Variants in SOX5 observed in about 807,000 individuals in gnomAD.
SOX5 encodes the protein SRY-box transcription factor 5.
SOX5 carries 9 observed loss-of-function variants against 92.0 expected under a neutral mutation model. The observed-to-expected ratio is 0.10, with a 90% confidence interval of 0.06 to 0.17. The LOEUF (loss-of-function observed/expected upper bound fraction) is 0.17, where lower values mean the gene tolerates loss of function less well. Ranked by LOEUF, SOX5 falls within the 10% of genes least tolerant of loss-of-function variation. The probability of loss-of-function intolerance (pLI) is 1.00; values close to 1 mark genes in which losing one functional copy is unlikely to be tolerated. For missense variants in SOX5, 642 were observed against 944.5 expected (o/e 0.68, Z 4.20); for synonymous variants, 344 against 336.3 (o/e 1.02, Z -0.25).
intron 5 of SOX5, among the ~76,000 whole-genome samples, chr12:23,737,342 C>T (rs145015994): frequency 0.018 from 2,761 of 152,070 alleles, 88 homozygotes; most frequent in African/African-American, 0.063. Context: ...AGTTCGAGAC[C>T]AGCCTGGCCA....
chr12:23,794,110 TAA>T (rs934383579), intron 3 of SOX5, among the ~76,000 whole-genome samples: 13 of 152,176 alleles, frequency 8.5e-5, no homozygotes, highest in Non-Finnish European at 1.6e-4. Flanking sequence ...AAAAATATTT[TAA>T]AAGTTTTATC....
At chr12:24,428,759 A>ATG in intron 1 of SOX5, among the ~76,000 whole-genome samples, 1 of 118,416 alleles carries the variant, frequency 8.4e-6, no homozygotes, top group South Asian at 2.8e-4. Context: ...AAAAAAAAAA[A>ATG]GCTAATTTCC....
At chr12:24,105,552 C>A (rs537805205) in intron 4 of SOX5, among the ~76,000 whole-genome samples, 1 of 152,050 alleles carries the variant, frequency 6.6e-6, no homozygotes. Flanking sequence ...ATCAATCAAT[C>A]AATCAATCAA....
chr12:24,164,513 T>C (rs1214209616), intron 4 of SOX5, among the ~76,000 whole-genome samples: 1 of 152,048 alleles, frequency 6.6e-6, no homozygotes, highest in African/African-American at 2.4e-5. Context: ...GAAATTCAGT[T>C]AAAGGAAAAA....
Position 23,543,269 on chromosome 12 carries a change from C to G in SOX5, c.1713G>C (p.Arg571=). The stretch of plus-strand genomic sequence containing the variant: ...CAGGAAAGGCTTGAAGGATCTTTCT[C>G]CGTTCATCTTTAGCCCACACCATGA... ...NAFMVWAKDE[R]RKILQAFPDM... Residue 571 remains arginine, a synonymous_variant, in exon 13 of 15, where the codon CGG becomes CGC. Coordinates refer to ENST00000451604, the MANE Select transcript of SOX5 (RefSeq NM_006940.6). The G allele has an allele frequency of 6.2e-7, 1 of 1,613,990 alleles. No individual in the cohort carries two copies. The highest frequency in any genetic ancestry group is 1.3e-5 in the African/African-American group (1 of 75,020).
intron 11 of SOX5, among the ~76,000 whole-genome samples, chr12:23,560,341 T>C (rs1945990618): frequency 6.6e-6 from 1 of 152,236 alleles, no homozygotes; most frequent in Non-Finnish European, 1.5e-5. Flanking sequence ...TGGCAAAATT[T>C]CAAACCAATT....
At position 23,787,720 on chromosome 12, in the gene SOX5, C is replaced by T. The variant is rs1180271444; in HGVS notation, c.482-31996G>A. 4.6e-5 allele frequency among the ~76,000 whole-genome samples: 7 copies of T among 151,780 alleles called. No individual in the cohort carries two copies. The South Asian group carries it at 8.3e-4, about 18-fold the overall frequency. ...GGAAACAAACCACAGTGATTGTTGT[C>T]GTCTAATCAATCAAAGAGACTTCAA... On this transcript the variant is annotated intron_variant, in intron 3 of 14. Transcript: ENST00000451604.
At chr12:24,148,601 G>A (rs1196994734) in intron 4 of SOX5, among the ~76,000 whole-genome samples, 1 of 143,242 alleles carries the variant, frequency 7.0e-6, no homozygotes, top group African/African-American at 2.6e-5. Context: ...CTTAATCCCA[G>A]CGACTCAGGA....
chr12:23,623,092 A>C (rs1320182034), intron 8 of SOX5, among the ~76,000 whole-genome samples: 3 of 152,156 alleles, frequency 2.0e-5, no homozygotes, highest in African/African-American at 7.2e-5. Context: ...GTGTGTGTGC[A>C]GGAGACTGGC....
intron 3 of SOX5, among the ~76,000 whole-genome samples, chr12:24,255,639 C>T (rs1051763931): frequency 1.2e-4 from 18 of 152,082 alleles, no homozygotes; most frequent in Non-Finnish European, 2.5e-4. Flanking sequence ...TAATTATCTA[C>T]ATTGGAGTTT....
intron 9 of SOX5, among the ~76,000 whole-genome samples, chr12:23,586,345 G>A (rs972264669): frequency 6.6e-6 from 1 of 152,034 alleles, no homozygotes. Context: ...AGAGTGGTAG[G>A]TCATGAGACA....
At chr12:24,010,028 T>A (rs1314243916) in intron 4 of SOX5, among the ~76,000 whole-genome samples, 1 of 152,212 alleles carries the variant, frequency 6.6e-6, no homozygotes, top group African/African-American at 2.4e-5. Flanking sequence ...CTTCATTCAA[T>A]CACCCAAATC....
At position 23,858,174 on chromosome 12, in the gene SOX5, C is replaced by A. The variant is rs114574295; in HGVS notation, c.271-11981G>T. Among the ~76,000 whole-genome samples the A allele has an allele frequency of 1.5e-3, 229 of 151,714 alleles. 1 individual carries two copies. Among genetic ancestry groups the A allele is most frequent in the Non-Finnish European group, 2.5e-3 (173 of 67,960 alleles). ...ATGTATGTTACTTTCCTATGAGAAG[C>A]GCTAAAAAATAATAATAATAAATCA... On this transcript the variant is annotated intron_variant, in intron 2 of 14. Transcript: ENST00000451604.
At chr12:24,504,637 C>T (rs370227576) in intron 1 of SOX5, among the ~76,000 whole-genome samples, 2 of 152,154 alleles carry the variant, frequency 1.3e-5, no homozygotes, top group African/African-American at 2.4e-5. Flanking sequence ...TAGTAGAGAA[C>T]TATATAAATA....
intron 1 of SOX5, among the ~76,000 whole-genome samples, chr12:24,403,734 A>G (rs1962285269): frequency 6.6e-6 from 1 of 152,206 alleles, no homozygotes; most frequent in African/African-American, 2.4e-5. Context: ...TAGCTAAATA[A>G]ATATCATTAG....
Position 23,630,619 on chromosome 12 carries a change from G to T in SOX5, c.1017+10193C>A, listed in dbSNP as rs548986891. Among the ~76,000 whole-genome samples the T allele has an allele frequency of 3.1e-3, 478 of 151,956 alleles. 2 individuals are homozygous for T. Among genetic ancestry groups the T allele is most frequent in the African/African-American group, 0.01 (432 of 41,454 alleles). ...AAATATTAACTCAAATCCAGCACAT[G>T]GTATTTGAGAAATAATACATTTATT... On this transcript the variant is annotated intron_variant, in intron 8 of 14. Transcript: ENST00000451604.
chr12:24,214,891 T>C lies in SOX5; in HGVS notation c.-76-1474A>G, dbSNP rs552095367. Among the ~76,000 whole-genome samples, 265 of 152,208 alleles carry C rather than the reference T, an allele frequency of 1.7e-3. 2 individuals carry two copies. The highest frequency in any genetic ancestry group is 3.1e-3 in the Non-Finnish European group (213 of 67,924). ...TTAGATCATTTTAGAGTACATAAAA[T>C]GGCAAGAAGAATTACACTCTATAAC... is the stretch of plus-strand genomic sequence containing the variant. On this transcript the variant is annotated intron_variant, in intron 3 of 4. Transcript: ENST00000446891.
intron 4 of SOX5, among the ~76,000 whole-genome samples, chr12:24,043,951 C>T (rs1356426726): frequency 2.0e-5 from 3 of 152,138 alleles, no homozygotes; most frequent in African/African-American, 7.2e-5. Flanking sequence ...GTACCCACTT[C>T]AGAGATTTGG....
intron 9 of SOX5, among the ~76,000 whole-genome samples, chr12:23,592,861 C>T (rs930582786): frequency 6.6e-6 from 1 of 152,018 alleles, no homozygotes; most frequent in Non-Finnish European, 1.5e-5. Context: ...TGTGGATCAC[C>T]TGAGGTCAGG....
Sources: gnomAD v4.1 joint callset for allele counts (sites outside exome capture counted in the v4.1 genomes callset) on GRCh38, gnomAD v4.1.1 for gene constraint, MANE v1.5 for transcripts, NCBI Gene and HGNC (gene_info 2026-07-23, HGNC 2026-07-21) for gene names.